Variants in CACNB1 observed in about 807,000 individuals in gnomAD.
The protein encoded by CACNB1 is voltage-dependent L-type calcium channel subunit beta-1.
In CACNB1, 29 loss-of-function variants were observed where a neutral mutation model predicts 71.6. The ratio of observed to expected loss-of-function variants is 0.40; its 90% CI spans 0.30 to 0.55. The LOEUF is 0.55. CACNB1 is among the 20% of genes least tolerant of loss of function. CACNB1 has a pLI of 0.38. For missense variants in CACNB1, 623 were observed against 801.8 expected, an observed-to-expected ratio of 0.78 and a Z score of 2.69; for synonymous variants, 300 against 319.6, an observed-to-expected ratio of 0.94 and a Z score of 0.65.
chr17:39,180,131 G>A (rs1386409662), intron 11 of CACNB1, among the ~76,000 whole-genome samples: 15 of 150,600 alleles, frequency 1.0e-4, no homozygotes. Context: ...TGGGTATGGT[G>A]GCAGGCGCCT....
intron 3 of CACNB1, among the ~76,000 whole-genome samples, chr17:39,188,590 C>T (rs1408622060): frequency 4.6e-5 from 7 of 151,906 alleles, no homozygotes; most frequent in Non-Finnish European, 1.0e-4. Context: ...AAAATGTATA[C>T]TGAATTGGCT....
Position 39,174,894 on chromosome 17 carries a change from A to C in CACNB1, c.*299T>G, listed in dbSNP as rs773508752. ...CGAGTAGAAAGAGTTAAGGAAGTGC[A>C]CCTTTTCTCTAGGAGGGTGAGGGAG... On this transcript the variant is annotated 3_prime_UTR_variant, in exon 14 of 14. Transcript: ENST00000394303. 43 of 384,942 alleles carry C rather than the reference A, an allele frequency of 1.1e-4. No individual in the cohort carries two copies. The highest frequency in any genetic ancestry group is 1.7e-4 in the Non-Finnish European group (37 of 212,078). The allele number at this position is 384,942 out of a possible 1,614,324, so 23.8% of individuals were successfully genotyped here. A position where few individuals can be genotyped will look rare whatever the true frequency, so the allele number is the denominator to read the frequency against.
chr17:39,194,171 T>G lies in CACNB1; in HGVS notation c.171+713A>C, dbSNP rs566905950. 2.6e-5 allele frequency among the ~76,000 whole-genome samples: 4 copies of G among 152,188 alleles called. No individual in the cohort carries two copies. In the South Asian group the frequency reaches 6.2e-4, roughly 24 times the overall value. ...TACCAGGCTTTGGTGAGATGCTAAG[T>G]AGTCATAGCAACCACATGCCTCTCT... On this transcript the variant is annotated intron_variant, in intron 2 of 13. Coordinates refer to ENST00000394303, the MANE Select transcript of CACNB1 (RefSeq NM_000723.5). The surrounding 1 kb of genome is among the most constrained non-coding windows in gnomAD (Gnocchi z 4.6).
At chr17:39,187,725 G>A in intron 3 of CACNB1, 124 bp from the exon 4 acceptor site, 4 of 1,153,982 alleles carry the variant, frequency 3.5e-6, no homozygotes, top group Non-Finnish European at 5.1e-6. Context: ...AAATGTGTAT[G>A]GACATGGGCA....
At chr17:39,179,624 C>A (rs1193252039) in intron 11 of CACNB1, among the ~76,000 whole-genome samples, 1 of 146,568 alleles carries the variant, frequency 6.8e-6, no homozygotes, top group African/African-American at 2.5e-5. Context: ...CTAGGCCGGG[C>A]GCAGTGGCTC....
In CACNB1 at chr17:39,175,628, T is replaced by C. The variant is rs775780408; in HGVS notation, c.1362A>G (p.Pro454=). 7.0e-6 allele frequency: 11 copies of C among 1,577,228 alleles called. No homozygotes were observed. Among genetic ancestry groups the C allele is most frequent in the Non-Finnish European group, 9.5e-6 (11 of 1,160,052 alleles). ...CGTGCTCCCCGGTGGCCCGTTCCAG[T>C]GGCTGGTCCCCGGAAGCAAGGTAGG... ...QGPYLASGDQ[P]LERATGEHAS... The change falls in exon 14 of 14, where the codon CCA becomes CCG. Residue 454 remains proline, a synonymous_variant. Coordinates refer to ENST00000394303, the MANE Select transcript of CACNB1 (RefSeq NM_000723.5). This position sits in a 1 kb window ranked among gnomAD's most constrained non-coding sequence, Gnocchi z 4.7.
chr17:39,181,604 T>C (rs141276938), intron 11 of CACNB1, among the ~76,000 whole-genome samples: 17 of 152,266 alleles, frequency 1.1e-4, no homozygotes, highest in East Asian at 1.9e-4. Context: ...AATGGAAGCA[T>C]TGGTTACTTT....
intron 11 of CACNB1, among the ~76,000 whole-genome samples, chr17:39,180,685 T>C (rs1387642120): frequency 6.6e-6 from 1 of 151,782 alleles, no homozygotes. Flanking sequence ...GAAAGAAAGA[T>C]AAAAGTAAAT....
Position 39,186,937 on chromosome 17 carries a change from G to A in CACNB1, c.415-8C>T. ...CCAGTCATTATTGTATTTCTGCAAA[G>A]AATATGGCAGGTGGGTGGAAAGAGC... On this transcript the variant is annotated splice_polypyrimidine_tract_variant and splice_region_variant and intron_variant, in intron 4 of 13. Transcript: ENST00000394303. The surrounding 1 kb of genome is among the most constrained non-coding windows in gnomAD (Gnocchi z 4.1). 1 of 1,613,378 alleles carries A rather than the reference G, an allele frequency of 6.2e-7. No individual in the cohort carries two copies. The highest frequency in any genetic ancestry group is 8.5e-7 in the Non-Finnish European group (1 of 1,179,340).
chr17:39,182,554 A>G (rs796506226), intron 11 of CACNB1, among the ~76,000 whole-genome samples: 50 of 150,936 alleles, frequency 3.3e-4, no homozygotes, highest in African/African-American at 1.2e-3. Flanking sequence ...ACAAAAAATT[A>G]GCCGGGCCGT....
At chr17:39,185,616 C>T (rs1166914276) in intron 6 of CACNB1, among the ~76,000 whole-genome samples, 1 of 151,364 alleles carries the variant, frequency 6.6e-6, no homozygotes, top group Admixed American at 6.6e-5. Flanking sequence ...GAATGCCATC[C>T]CATGTCCTGC....
At chr17:39,193,458 G>A (rs1350841773) in intron 2 of CACNB1, 16 of 453,410 alleles carry the variant, frequency 3.5e-5, no homozygotes, top group Admixed American at 3.3e-4. Context: ...CCACCACCAC[G>A]GTCCGGCTGG....
chr17:39,183,418 A>G (rs1453711140), intron 11 of CACNB1, among the ~76,000 whole-genome samples: 1 of 151,996 alleles, frequency 6.6e-6, no homozygotes, highest in Non-Finnish European at 1.5e-5. Flanking sequence ...AACAAAAAGC[A>G]CAGAATTCTT....
At chr17:39,185,889 C>G (rs967448578) in intron 6 of CACNB1, 11 of 1,552,246 alleles carry the variant, frequency 7.1e-6, no homozygotes, top group Non-Finnish European at 7.9e-6. Flanking sequence ...CAGCCCCCTT[C>G]CCTCCACCAA....
intron 13 of CACNB1, among the ~76,000 whole-genome samples, chr17:39,176,193 G>A (rs1032785488): frequency 3.3e-5 from 5 of 152,084 alleles, no homozygotes; most frequent in African/African-American, 1.2e-4. Context: ...AAGGCTGATG[G>A]GATTCCTCCC....
chr17:39,186,077 T>C lies in CACNB1; in HGVS notation c.628+419A>G. On this transcript the variant is annotated intron_variant, in intron 6 of 13. Coordinates refer to ENST00000394303, the MANE Select transcript of CACNB1 (RefSeq NM_000723.5). This position sits in a 1 kb window ranked among gnomAD's most constrained non-coding sequence, Gnocchi z 4.1. ...CTCCTCTAACTCTAGGGGGTCTAGT[T>C]CAAAGGCTAAGTTAGTCATTTCATT... is the stretch of plus-strand genomic sequence containing the variant. 1.2e-6 allele frequency: 2 copies of C among 1,613,882 alleles called. No individual in the cohort carries two copies. Among genetic ancestry groups the C allele is most frequent in the East Asian group, 2.2e-5 (1 of 44,878 alleles).
rs1411294197 is a variant in CACNB1 at position 39,173,758 on chromosome 17, G to A, written c.*1435C>T. ...GCAGCTCCCAGGTGCCTACGCTGAC[G>A]ACTATGTGGCGAGGACAAAGAAGCA... On this transcript the variant is annotated 3_prime_UTR_variant, in exon 14 of 14. Transcript: ENST00000394303. 2.0e-5 allele frequency: 3 copies of A among 152,580 alleles called. No homozygotes were observed. The highest frequency in any genetic ancestry group is 4.8e-5 in the African/African-American group (2 of 41,464). 9.5% of individuals were successfully genotyped at this position (152,580 alleles called of 1,614,324 possible).
intron 1 of CACNB1, chr17:39,195,179 G>A (rs1206781867): frequency 5.6e-6 from 3 of 537,938 alleles, no homozygotes; most frequent in Non-Finnish European, 9.9e-6. Context: ...AGCCAGGAGT[G>A]GGGACCAGTG....
chr17:39,196,091 T>C (rs971575259), intron 1 of CACNB1, among the ~76,000 whole-genome samples: 43 of 152,266 alleles, frequency 2.8e-4, no homozygotes, highest in African/African-American at 9.4e-4. Flanking sequence ...TCCCCGCCCT[T>C]GGTCTCCATC....
Sources: gnomAD v4.1 joint callset for allele counts (sites outside exome capture counted in the v4.1 genomes callset) on GRCh38, gnomAD v4.1.1 for gene constraint, Gnocchi (gnomAD v3.1) non-coding constraint, MANE v1.5 for transcripts, NCBI Gene and HGNC (gene_info 2026-07-23, HGNC 2026-07-21) for gene names.